Variants in KCNH7 observed in about 807,000 individuals in gnomAD.
The protein encoded by KCNH7 is potassium voltage-gated channel subfamily H member 7, also known as voltage-gated inwardly rectifying potassium channel KCNH7.
Under a neutral mutation model 120.8 loss-of-function variants are expected in KCNH7, and 49 were observed. The ratio of observed to expected loss-of-function variants is 0.41; its 90% confidence interval spans 0.32 to 0.51. KCNH7 has a LOEUF of 0.51. Among genes scored for constraint, KCNH7 ranks in the 20% least tolerant of loss-of-function variants. The pLI, the probability that KCNH7 is intolerant of heterozygous loss-of-function variation, is 0.38. For synonymous variants in KCNH7, 547 were observed against 516.1 expected (o/e 1.06, Z -0.81); for missense variants, 1,097 against 1,446.6 (o/e 0.76, Z 3.92).
chr2:162,514,292 T>A (rs1691209613), intron 4 of KCNH7, among the ~76,000 whole-genome samples: 1 of 151,740 alleles, frequency 6.6e-6, no homozygotes, highest in South Asian at 2.1e-4. Flanking sequence ...ATAGAGATAG[T>A]GGAAGAGATC....
intron 6 of KCNH7, among the ~76,000 whole-genome samples, chr2:162,497,233 C>A (rs550576146): frequency 3.3e-4 from 50 of 152,164 alleles, no homozygotes; most frequent in Non-Finnish European, 5.6e-4. Context: ...AGATAATGAA[C>A]CTGTTCATAA....
chr2:162,603,976 T>A (rs1370504517), intron 2 of KCNH7, among the ~76,000 whole-genome samples: 1 of 152,128 alleles, frequency 6.6e-6, no homozygotes, highest in East Asian at 1.9e-4. Flanking sequence ...CAATCTGTAA[T>A]GTACTGCAAC....
At chr2:162,743,430 C>T (rs1336872719) in intron 2 of KCNH7, among the ~76,000 whole-genome samples, 1 of 151,924 alleles carries the variant, frequency 6.6e-6, no homozygotes, top group African/African-American at 2.4e-5. Flanking sequence ...AAACCAGAGG[C>T]TATTTTCAAA....
At chr2:162,652,331 C>T (rs558048631) in intron 2 of KCNH7, among the ~76,000 whole-genome samples, 1 of 152,146 alleles carries the variant, frequency 6.6e-6, no homozygotes, top group Non-Finnish European at 1.5e-5. Flanking sequence ...ATGATGATTA[C>T]ATGAGATATT....
At chr2:162,703,761 C>A (rs1686597031) in intron 2 of KCNH7, among the ~76,000 whole-genome samples, 1 of 152,090 alleles carries the variant, frequency 6.6e-6, no homozygotes, top group Non-Finnish European at 1.5e-5. Context: ...AGACGGGCAT[C>A]CCCTATACCA....
intron 6 of KCNH7, among the ~76,000 whole-genome samples, chr2:162,498,160 T>C (rs1407144998): frequency 2.0e-5 from 3 of 152,064 alleles, no homozygotes; most frequent in East Asian, 3.9e-4. Flanking sequence ...ACACATCTTA[T>C]TTCCTGATTA....
chr2:162,446,116 C>G lies in KCNH7; in HGVS notation c.1456G>C (p.Ala486Pro). 2.5e-6 allele frequency: 4 copies of G among 1,613,776 alleles called. No homozygotes were observed. Among genetic ancestry groups the G allele is most frequent in the Non-Finnish European group, 3.4e-6 (4 of 1,179,792 alleles). ...NQNEEVVSDP[A>P]KIAIHYFKGW... is the part of the protein sequence containing the mutation. ...TTGAAGTAGTGTATTGCTATTTTGG[C>G]GGGATCACTTACCACTTCTTCATTC... is the stretch of plus-strand genomic sequence containing the variant. Residue 486 changes from alanine to proline, a missense_variant, in exon 7 of 16, where the codon GCC becomes CCC. By Grantham distance (27) the Ala-to-Pro change is conservative (BLOSUM62 -1). This residue lies in a region of KCNH7 where 109 missense variants were observed against 196.8 expected (regional missense o/e 0.55). Transcript: ENST00000332142.
chr2:162,737,418 G>A (rs1176163482), intron 2 of KCNH7, among the ~76,000 whole-genome samples: 1 of 152,110 alleles, frequency 6.6e-6, no homozygotes, highest in African/African-American at 2.4e-5. Flanking sequence ...GAGTGACAGT[G>A]AGAGTATTCC....
chr2:162,657,085 C>A (rs1202867219), intron 2 of KCNH7, among the ~76,000 whole-genome samples: 1 of 152,144 alleles, frequency 6.6e-6, no homozygotes, highest in Non-Finnish European at 1.5e-5. Flanking sequence ...ACAAGTACAG[C>A]CTCCTCCACT....
At chr2:162,798,755 C>G (rs1684236274) in intron 2 of KCNH7, among the ~76,000 whole-genome samples, 1 of 151,952 alleles carries the variant, frequency 6.6e-6, no homozygotes, top group Admixed American at 6.6e-5. Flanking sequence ...TGAAATGCCC[C>G]TTAGACTGTT....
intron 12 of KCNH7, among the ~76,000 whole-genome samples, chr2:162,388,388 C>CTA (rs1024192065): frequency 6.6e-6 from 1 of 151,266 alleles, no homozygotes; most frequent in African/African-American, 2.4e-5. Flanking sequence ...ACAGAGTTAA[C>CTA]TATGTGAGTG....
At chr2:162,565,839 C>T (rs1693232896) in intron 2 of KCNH7, among the ~76,000 whole-genome samples, 1 of 151,998 alleles carries the variant, frequency 6.6e-6, no homozygotes, top group South Asian at 2.1e-4. Context: ...AGTGTGCTTG[C>T]ATTCAAATAT....
At chr2:162,602,365 A>G (rs1467116182) in intron 2 of KCNH7, among the ~76,000 whole-genome samples, 1 of 152,100 alleles carries the variant, frequency 6.6e-6, no homozygotes, top group Non-Finnish European at 1.5e-5. Context: ...CATGTTTGAA[A>G]TTCCACCAAG....
At chr2:162,646,863 C>T (rs1684376315) in intron 2 of KCNH7, among the ~76,000 whole-genome samples, 1 of 152,204 alleles carries the variant, frequency 6.6e-6, no homozygotes, top group African/African-American at 2.4e-5. Flanking sequence ...GGCTGGGTAA[C>T]ATCTTGATTT....
chr2:162,737,253 G>A (rs934203005), intron 2 of KCNH7, among the ~76,000 whole-genome samples: 3 of 152,088 alleles, frequency 2.0e-5, no homozygotes, highest in Non-Finnish European at 2.9e-5. Flanking sequence ...GTAGGTAAGG[G>A]CTCGTAAGCT....
At chr2:162,833,555 A>T (rs1396106553) in intron 2 of KCNH7, among the ~76,000 whole-genome samples, 1 of 152,172 alleles carries the variant, frequency 6.6e-6, no homozygotes, top group Non-Finnish European at 1.5e-5. Flanking sequence ...AATGACTTAA[A>T]CTGTAAAATA....
chr2:162,709,640 A>G (rs1686847388), intron 2 of KCNH7, among the ~76,000 whole-genome samples: 1 of 152,066 alleles, frequency 6.6e-6, no homozygotes. Flanking sequence ...TTTTACTCCA[A>G]CCAAACAGAT....
chr2:162,394,767 A>G (rs1317805034), intron 11 of KCNH7, among the ~76,000 whole-genome samples: 2 of 151,942 alleles, frequency 1.3e-5, no homozygotes, highest in Admixed American at 6.6e-5. Context: ...TAAAGATAAA[A>G]TATTTCTTTA....
At chr2:162,576,593 T>G (rs781014304) in intron 2 of KCNH7, among the ~76,000 whole-genome samples, 1 of 152,052 alleles carries the variant, frequency 6.6e-6, no homozygotes, top group South Asian at 2.1e-4. Flanking sequence ...TTTCTCACAC[T>G]TTTCCCCCTC....
Sources: allele counts gnomAD v4.1 joint callset (sites outside exome capture counted in the v4.1 genomes callset), GRCh38; gene constraint gnomAD v4.1.1; regional missense constraint gnomAD v4.1.1; transcripts MANE v1.5; gene names NCBI Gene and HGNC (gene_info 2026-07-23, HGNC 2026-07-21).